GRHL2: variants seen among roughly 807,000 people sequenced by gnomAD.
GRHL2 encodes the protein grainyhead-like protein 2 homolog.
A neutral mutation model predicts 83.8 loss-of-function variants in GRHL2; 21 were observed. The ratio of observed to expected loss-of-function variants is 0.25; its 90% CI spans 0.18 to 0.36. The LOEUF is 0.36. Ranked by LOEUF, GRHL2 falls within the 10% of genes least tolerant of loss-of-function variation. The pLI is 1.00. For synonymous variants in GRHL2, 280 were observed against 278.9 expected (o/e 1.00, Z -0.04); for missense variants, 623 against 781.8 (o/e 0.80, Z 2.42).
chr8:101,501,307 G>A (rs2129971201), intron 1 of GRHL2, among the ~76,000 whole-genome samples: 1 of 152,342 alleles, frequency 6.6e-6, no homozygotes, highest in East Asian at 1.9e-4. Flanking sequence ...TGTGAATGCA[G>A]ATACCCTCCG....
chr8:101,632,759 T>C (rs375721652), intron 11 of GRHL2, among the ~76,000 whole-genome samples: 1 of 152,226 alleles, frequency 6.6e-6, no homozygotes, highest in African/African-American at 2.4e-5. Flanking sequence ...GAGGGAAGTC[T>C]CCGCTTAAAT....
intron 9 of GRHL2, among the ~76,000 whole-genome samples, chr8:101,625,214 A>C (rs1171584287): frequency 2.6e-5 from 4 of 152,068 alleles, no homozygotes; most frequent in Non-Finnish European, 5.9e-5. Context: ...GATGAAGAGA[A>C]AGAGGGGGAA....
At chr8:101,651,022 G>A (rs1813611554) in intron 14 of GRHL2, among the ~76,000 whole-genome samples, 1 of 152,042 alleles carries the variant, frequency 6.6e-6, no homozygotes, top group African/African-American at 2.4e-5. Flanking sequence ...GGAGTTTGTT[G>A]TTACTGGATC....
intron 6 of GRHL2, among the ~76,000 whole-genome samples, chr8:101,575,789 T>C (rs1244786310): frequency 6.6e-6 from 1 of 152,172 alleles, no homozygotes; most frequent in Non-Finnish European, 1.5e-5. Context: ...CTTTGACACA[T>C]AAATGGAAAA....
intron 1 of GRHL2, among the ~76,000 whole-genome samples, chr8:101,524,290 A>G (rs1441846181): frequency 6.6e-6 from 1 of 152,154 alleles, no homozygotes; most frequent in African/African-American, 2.4e-5. Flanking sequence ...TTGCCATTTC[A>G]AAGAACCAAT....
At chr8:101,551,444 A>G (rs537093905) in intron 2 of GRHL2, among the ~76,000 whole-genome samples, 2 of 152,246 alleles carry the variant, frequency 1.3e-5, no homozygotes, top group Non-Finnish European at 2.9e-5. Flanking sequence ...CTGTCCCCAC[A>G]CTAAGCCAGG....
At chr8:101,633,518 T>A (rs1813228467) in intron 11 of GRHL2, among the ~76,000 whole-genome samples, 2 of 152,240 alleles carry the variant, frequency 1.3e-5, no homozygotes, top group Admixed American at 6.5e-5. Context: ...TTTATTAGAT[T>A]CATGAGACAG....
chr8:101,638,280 G>T (rs11995402), intron 12 of GRHL2, among the ~76,000 whole-genome samples: 17,509 of 152,154 alleles, frequency 0.12, 2,151 homozygotes, highest in African/African-American at 0.31. Flanking sequence ...AGCAGAGGTT[G>T]GCAAACTATA....
intron 8 of GRHL2, among the ~76,000 whole-genome samples, chr8:101,604,253 T>C (rs1812583641): frequency 6.6e-6 from 1 of 152,164 alleles, no homozygotes; most frequent in Admixed American, 6.5e-5. Context: ...ATCCCTAAGA[T>C]GAGGAATTCC....
chr8:101,500,125 AAAC>A (rs1810194379), intron 1 of GRHL2, among the ~76,000 whole-genome samples: 1 of 152,016 alleles, frequency 6.6e-6, no homozygotes, highest in Non-Finnish European at 1.5e-5. Flanking sequence ...AACAAACAAA[AAAC>A]AACAACAAAA....
intron 1 of GRHL2, among the ~76,000 whole-genome samples, chr8:101,513,510 T>TTTTTTTTTTTTTG (rs55792824): frequency 3.4e-5 from 5 of 147,198 alleles, no homozygotes; most frequent in African/African-American, 7.5e-5. Context: ...CTTTTTTTTT[T>TTTTTTTTTTTTTG]GGAGATGGAG....
At chr8:101,623,977 C>CAGGACAGTTCACAGT (rs1813020580) in intron 9 of GRHL2, among the ~76,000 whole-genome samples, 1 of 139,378 alleles carries the variant, frequency 7.2e-6, no homozygotes, top group African/African-American at 2.8e-5. Context: ...ACACAGTACA[C>CAGGACAGTTCACAGT]AGGACAGTTC....
chr8:101,557,582 A>C (rs1488806373), intron 3 of GRHL2, among the ~76,000 whole-genome samples: 2 of 152,252 alleles, frequency 1.3e-5, no homozygotes, highest in South Asian at 4.1e-4. Flanking sequence ...CAAAATTCCC[A>C]TTGCCTGATA....
chr8:101,652,340 TATGTGTGTGGTGTGTGTG>T lies in GRHL2; in HGVS notation c.1698+2842_1698+2859del, dbSNP rs1563626621. On this transcript the variant is annotated intron_variant, in intron 14 of 15. Transcript: ENST00000646743. ...TGTGCGTGTGTGTGTGGTGTGTGTG[TATGTGTGTGGTGTGTGTG>T]GTGTGTGTGTGTCTGATGTGTGTGT... 2.7e-3 allele frequency among the ~76,000 whole-genome samples: 212 copies of T among 77,444 alleles called. 13 individuals carry two copies. Among genetic ancestry groups the T allele is most frequent in the African/African-American group, 0.011 (147 of 13,352 alleles). The allele number at this position is 77,444 out of a possible 152,430, so 50.8% of individuals were successfully genotyped here.
rs1298479517 is a variant in GRHL2, at chr8:101,496,772, G to A, written c.20+3983G>A. Among the ~76,000 whole-genome samples, 4 of 152,258 alleles carry A rather than the reference G, an allele frequency of 2.6e-5. No homozygotes were observed. In the East Asian group the frequency reaches 7.7e-4, roughly 29 times the overall value. ...AGCTTTGAGTGGAGGCCTGAGTGAAGTGAGGGATCAAGCCCTAAGATACCT... is the reference window on the plus strand; with the variant it reads ...AGCTTTGAGTGGAGGCCTGAGTGAAATGAGGGATCAAGCCCTAAGATACCT... On this transcript the variant is annotated intron_variant, in intron 1 of 15. Coordinates refer to ENST00000646743, the MANE Select transcript of GRHL2 (RefSeq NM_024915.4).
chr8:101,665,918 T>C (rs12549642), intron 15 of GRHL2, among the ~76,000 whole-genome samples: 59,652 of 152,008 alleles, frequency 0.39, 12,082 homozygotes, highest in South Asian at 0.55. Context: ...TAAAACTCTA[T>C]CAGGGATAGT....
intron 1 of GRHL2, among the ~76,000 whole-genome samples, chr8:101,519,609 G>A (rs1299390141): frequency 8.9e-6 from 1 of 112,812 alleles, no homozygotes; most frequent in East Asian, 2.7e-4. Flanking sequence ...AAAAACAATT[G>A]TCTGGAATTT....
intron 2 of GRHL2, among the ~76,000 whole-genome samples, chr8:101,546,618 G>T (rs956231456): frequency 3.8e-4 from 58 of 152,164 alleles, no homozygotes; most frequent in Non-Finnish European, 5.3e-4. Context: ...TTTTGCACAT[G>T]TTGGCCAGGC....
At chr8:101,505,145 A>G (rs1302159500) in intron 1 of GRHL2, among the ~76,000 whole-genome samples, 1 of 152,092 alleles carries the variant, frequency 6.6e-6, no homozygotes, top group East Asian at 1.9e-4. Flanking sequence ...TCAAAAGTGA[A>G]TTTGCAATTG....
Sources: gnomAD v4.1 joint callset for allele counts (sites outside exome capture counted in the v4.1 genomes callset) on GRCh38, gnomAD v4.1.1 for gene constraint, MANE v1.5 for transcripts, NCBI Gene and HGNC (gene_info 2026-07-23, HGNC 2026-07-21) for gene names.